The following RASA3 variants were observed in gnomAD, a reference collection of about 807,000 sequenced individuals.
RASA3 encodes the protein ras GTPase-activating protein 3.
RASA3 carries 73 observed loss-of-function variants against 110.0 expected under a neutral mutation model. The ratio of observed to expected loss-of-function variants is 0.66; its 90% confidence interval spans 0.55 to 0.81. The LOEUF is 0.81. Among genes scored for constraint, RASA3 ranks in the 30% least tolerant of loss-of-function variants. The pLI, the probability that RASA3 is intolerant of heterozygous loss-of-function variation, is 0.00. For synonymous variants in RASA3, 500 were observed against 451.4 expected, an observed-to-expected ratio of 1.11 and a Z score of -1.37; for missense variants, 976 against 1,113.2, an observed-to-expected ratio of 0.88 and a Z score of 1.75.
chr13:114,071,007 G>C (rs9525233), intron 2 of RASA3, among the ~76,000 whole-genome samples: 1,376 of 59,684 alleles, frequency 0.023, no homozygotes, highest in Middle Eastern at 0.14. Flanking sequence ...GCGCCACAGT[G>C]TTACACGTGG....
At chr13:114,125,086 T>C (rs1349362382) in intron 1 of RASA3, among the ~76,000 whole-genome samples, 1 of 152,130 alleles carries the variant, frequency 6.6e-6, no homozygotes, top group East Asian at 1.9e-4. Context: ...GGGGGTGGTG[T>C]TGGGCGCTCT....
At chr13:114,100,631 T>C (rs772718046) in intron 1 of RASA3, among the ~76,000 whole-genome samples, 4 of 152,146 alleles carry the variant, frequency 2.6e-5, no homozygotes, top group Non-Finnish European at 5.9e-5. Context: ...GTGGCTTCCA[T>C]GGAAAATGCC....
chr13:114,053,414 C>T lies in RASA3; in HGVS notation c.174-1259G>A, dbSNP rs370197178. Among the ~76,000 whole-genome samples, 336 of 152,382 alleles carry T rather than the reference C, an allele frequency of 2.2e-3. 2 individuals carry two copies. The highest frequency in any genetic ancestry group is 7.6e-3 in the African/African-American group (318 of 41,592). The stretch of plus-strand genomic sequence containing the variant: ...ACGCCGGACCTGTTGGCGATTACTG[C>T]GGTGCACGCACAGCTACCACCAACT... On this transcript the variant is annotated intron_variant, in intron 2 of 23. Coordinates refer to ENST00000334062, the MANE Select transcript of RASA3 (RefSeq NM_007368.4).
In RASA3 at chr13:113,999,618, C is replaced by T; in HGVS notation, c.1899G>A (p.Glu633=). 1 of 1,613,350 alleles carries T rather than the reference C, an allele frequency of 6.2e-7. No homozygotes were observed. The highest frequency in any genetic ancestry group is 1.3e-5 in the African/African-American group (1 of 74,742). Residue 633 remains glutamate (E), a synonymous_variant, in exon 20 of 24, where the codon GAG becomes GAA. Coordinates refer to ENST00000334062, the MANE Select transcript of RASA3 (RefSeq NM_007368.4). ...SIPIENILAV[E]KLEEESFKMK... Reference sequence around the variant, plus strand: ...TTTTGAAAGACTCCTCCTCCAGCTTCTCCACTGCCAGGATGTTCTCGATGG... The same window carrying T: ...TTTTGAAAGACTCCTCCTCCAGCTTTTCCACTGCCAGGATGTTCTCGATGG...
chr13:114,015,276 C>T lies in RASA3; in HGVS notation c.1338G>A (p.Val446=), dbSNP rs377410304. 2 of 1,613,100 alleles carry T rather than the reference C, an allele frequency of 1.2e-6. No homozygotes were observed. Among genetic ancestry groups the T allele is most frequent in the Non-Finnish European group, 1.7e-6 (2 of 1,180,004 alleles). Residue 446 remains valine, a synonymous_variant, in exon 14 of 24, where the codon GTG becomes GTA. Coordinates refer to ENST00000334062, the MANE Select transcript of RASA3 (RefSeq NM_007368.4). ...RVFHAITESG[V]SCPTVMCDIF... ...TGTCACACATGACGGTCGGGCAGCT[C>T]ACCCCAGACTCAGTGATGGCGTGGA...
intron 15 of RASA3, among the ~76,000 whole-genome samples, chr13:114,012,488 A>G (rs542394666): frequency 1.1e-4 from 13 of 119,330 alleles, no homozygotes; most frequent in African/African-American, 4.4e-4. Flanking sequence ...TTCCAAACGC[A>G]CTCCCCACTC....
rs2052809904 is a variant in RASA3 at position 113,977,876 on chromosome 13, T to C, written c.*1471A>G. 1 of 152,438 alleles carries C rather than the reference T, an allele frequency of 6.6e-6. No homozygotes were observed. Among genetic ancestry groups the C allele is most frequent in the Non-Finnish European group, 1.5e-5 (1 of 68,046 alleles). The allele number at this position is 152,438 out of a possible 1,614,324, so 9.4% of individuals were successfully genotyped here. ...ACAGAAACATTAAGTTATAAATCCA[T>C]GTTAAAAATTGCAGCTCAGTGCAGC... is the stretch of plus-strand genomic sequence containing the variant. On this transcript the variant is annotated 3_prime_UTR_variant, in exon 24 of 24. Transcript: ENST00000334062.
rs150177687 is a variant in RASA3, at chr13:114,030,330, G to A, written c.373-443C>T. On this transcript the variant is annotated intron_variant, in intron 4 of 23. Coordinates refer to ENST00000334062, the MANE Select transcript of RASA3 (RefSeq NM_007368.4). ...CTCGGGCGAGGCCGGATGGAGGCCC[G>A]CAGGAACCTCGGAGAGCTCACACAG... Among the ~76,000 whole-genome samples, 5 of 147,894 alleles carry A rather than the reference G, an allele frequency of 3.4e-5. No individual in the cohort carries two copies. In the East Asian group the frequency reaches 7.9e-4, roughly 23 times the overall value.
At chr13:114,107,782 A>G (rs2080154789) in intron 1 of RASA3, 1 of 152,258 alleles carries the variant, frequency 6.6e-6, no homozygotes, top group South Asian at 2.1e-4. Context: ...CAAAAGCAGG[A>G]TGAATCAGCG....
intron 2 of RASA3, among the ~76,000 whole-genome samples, chr13:114,059,079 C>G (rs7334688): frequency 0.58 from 88,665 of 152,022 alleles, 26,626 homozygotes; most frequent in African/African-American, 0.72. Flanking sequence ...ACGTCTGCAG[C>G]GAAGCGGAGG....
intron 1 of RASA3, among the ~76,000 whole-genome samples, chr13:114,080,429 C>G (rs1353152568): frequency 6.6e-6 from 1 of 152,190 alleles, no homozygotes; most frequent in Non-Finnish European, 1.5e-5. Context: ...TGCCTGTCGT[C>G]CAGTCTCCTT....
At chr13:113,995,666 AGGACCCAGCTGATGG>A (rs1252634679) in intron 21 of RASA3, among the ~76,000 whole-genome samples, 1 of 84,232 alleles carries the variant, frequency 1.2e-5, no homozygotes, top group Non-Finnish European at 2.2e-5. Flanking sequence ...CAGCTGACGG[AGGACCCAGCTGATGG>A]GGGCCCGGCT....
At chr13:114,049,231 G>A (rs1257461743) in intron 3 of RASA3, among the ~76,000 whole-genome samples, 3 of 152,022 alleles carry the variant, frequency 2.0e-5, no homozygotes, top group Non-Finnish European at 4.4e-5. Context: ...TGGCCACCGC[G>A]CACTTCCACC....
intron 3 of RASA3, among the ~76,000 whole-genome samples, 181 bp from the exon 4 acceptor site, chr13:114,041,275 G>A (rs1441183931): frequency 1.3e-5 from 2 of 152,252 alleles, no homozygotes; most frequent in Admixed American, 6.5e-5. Context: ...CAGGGGGGAG[G>A]GTCGCTTGAG....
At chr13:114,004,460 A>G (rs1361551466) in intron 18 of RASA3, among the ~76,000 whole-genome samples, 1 of 152,056 alleles carries the variant, frequency 6.6e-6, no homozygotes, top group African/African-American at 2.4e-5. Flanking sequence ...CAAGCATACG[A>G]TATAAAGCCC....
At chr13:114,121,723 G>A (rs1317363434) in intron 1 of RASA3, among the ~76,000 whole-genome samples, 2 of 152,236 alleles carry the variant, frequency 1.3e-5, no homozygotes, top group Non-Finnish European at 2.9e-5. Flanking sequence ...CGGGCGGCCA[G>A]ACCAGTCCCT....
chr13:114,088,649 TCAAA>T (rs897157325), intron 1 of RASA3, among the ~76,000 whole-genome samples: 3 of 151,948 alleles, frequency 2.0e-5, no homozygotes, highest in Non-Finnish European at 4.4e-5. Context: ...CCTCCCAGGT[TCAAA>T]CAGTCTCCTG....
chr13:114,021,460 C>T lies in RASA3; in HGVS notation c.729G>A (p.Leu243=), dbSNP rs1566490727. The part of the protein sequence containing the change: ...ASNLKFGDEF[L]GELRIPLKVL... ...CTTTCAACGGGATCCTTAGTTCTCC[C>T]AGGAATTCATCTCCAAACTTCAGGT... The change falls in exon 9 of 24, where the codon CTG becomes CTA. Residue 243 remains leucine, a synonymous_variant. Transcript: ENST00000334062. The T allele has an allele frequency of 6.2e-7, 1 of 1,614,020 alleles. No homozygotes were observed.
intron 4 of RASA3, among the ~76,000 whole-genome samples, chr13:114,034,340 T>A (rs1351090234): frequency 2.6e-5 from 4 of 152,254 alleles, no homozygotes; most frequent in Non-Finnish European, 5.9e-5. Flanking sequence ...GGTAGCTCTA[T>A]TCACATTCGG....
Sources: gnomAD v4.1 joint callset for allele counts (sites outside exome capture counted in the v4.1 genomes callset) on GRCh38, gnomAD v4.1.1 for gene constraint, MANE v1.5 for transcripts, NCBI Gene and HGNC (gene_info 2026-07-23, HGNC 2026-07-21) for gene names.